Variants in MBD5 observed in about 807,000 individuals in gnomAD.
MBD5 encodes the protein methyl-CpG-binding domain protein 5.
A neutral mutation model predicts 117.3 loss-of-function variants in MBD5; 13 were observed. That is an observed-to-expected ratio of 0.11 (90% confidence interval 0.07 to 0.18). The LOEUF is 0.18. Ranked by LOEUF, MBD5 falls within the 10% of genes least tolerant of loss-of-function variation. The pLI is 1.00. For synonymous variants in MBD5, 727 were observed against 766.4 expected (o/e 0.95, Z 0.85); for missense variants, 1,879 against 2,093.8 (o/e 0.90, Z 2.00).
At chr2:148,106,808 G>C (rs1238109560) in intron 1 of MBD5, among the ~76,000 whole-genome samples, 1 of 151,808 alleles carries the variant, frequency 6.6e-6, no homozygotes, top group Non-Finnish European at 1.5e-5. Context: ...CCTTAATGCA[G>C]AATATTTTTA....
At chr2:148,072,512 A>C (rs1256891704) in intron 1 of MBD5, among the ~76,000 whole-genome samples, 1 of 152,170 alleles carries the variant, frequency 6.6e-6, no homozygotes, top group African/African-American at 2.4e-5. Context: ...TGAATTATTT[A>C]AGCTTAGAAT....
intron 3 of MBD5, among the ~76,000 whole-genome samples, chr2:148,240,608 A>G (rs1700196919): frequency 6.6e-6 from 1 of 152,152 alleles, no homozygotes; most frequent in Non-Finnish European, 1.5e-5. Flanking sequence ...CATTCTAGTG[A>G]AGACTCTTTC....
intron 3 of MBD5, among the ~76,000 whole-genome samples, chr2:148,251,010 T>C (rs1043844119): frequency 2.0e-5 from 3 of 152,208 alleles, no homozygotes; most frequent in Admixed American, 1.3e-4. Flanking sequence ...ATGTGGTTTT[T>C]GTTTTTTGCT....
At chr2:148,051,991 T>A (rs924768016) in intron 1 of MBD5, among the ~76,000 whole-genome samples, 5 of 152,184 alleles carry the variant, frequency 3.3e-5, no homozygotes, top group African/African-American at 1.2e-4. Context: ...TTTTTATTTC[T>A]ATAAGGTCAG....
At chr2:148,412,106 G>C (rs1421051873) in intron 4 of MBD5, among the ~76,000 whole-genome samples, 2 of 151,966 alleles carry the variant, frequency 1.3e-5, no homozygotes, top group Non-Finnish European at 2.9e-5. Context: ...TTATTGAATG[G>C]GGAATCCTCT....
At chr2:148,452,899 C>T (rs1706770979) in intron 4 of MBD5, among the ~76,000 whole-genome samples, 1 of 152,124 alleles carries the variant, frequency 6.6e-6, no homozygotes, top group Non-Finnish European at 1.5e-5. Context: ...TAGTCATTGG[C>T]TTCTTTTAAA....
At chr2:148,391,126 A>G (rs759681174) in intron 4 of MBD5, among the ~76,000 whole-genome samples, 10 of 152,190 alleles carry the variant, frequency 6.6e-5, no homozygotes, top group Admixed American at 2.0e-4. Context: ...AAACCTAGTA[A>G]TAGATGAGAC....
chr2:148,214,642 T>C (rs1414584660), intron 2 of MBD5, among the ~76,000 whole-genome samples: 1 of 152,212 alleles, frequency 6.6e-6, no homozygotes, highest in Admixed American at 6.5e-5. Flanking sequence ...GTAGCTCCTA[T>C]ATGACCCCTG....
At chr2:148,207,207 A>G (rs1445039836) in intron 2 of MBD5, among the ~76,000 whole-genome samples, 1 of 152,176 alleles carries the variant, frequency 6.6e-6, no homozygotes, top group African/African-American at 2.4e-5. Flanking sequence ...ATGGGCTAGC[A>G]TTATCTTGAG....
chr2:148,046,761 T>C (rs1019349155), intron 1 of MBD5, among the ~76,000 whole-genome samples: 3 of 152,222 alleles, frequency 2.0e-5, no homozygotes, highest in African/African-American at 7.2e-5. Flanking sequence ...CTGACTTTTC[T>C]GTACTCTGGG....
At chr2:148,025,735 C>G (rs1693874271) in intron 1 of MBD5, 1 of 151,992 alleles carries the variant, frequency 6.6e-6, no homozygotes, top group South Asian at 2.1e-4. Context: ...TTTAATTATT[C>G]TGCAGTAATT....
chr2:148,438,061 C>T (rs568641629), intron 4 of MBD5, among the ~76,000 whole-genome samples: 8 of 152,256 alleles, frequency 5.3e-5, no homozygotes, highest in African/African-American at 9.6e-5. Flanking sequence ...AATGTACTTT[C>T]GTGGAGTCAA....
intron 1 of MBD5, among the ~76,000 whole-genome samples, chr2:148,087,053 G>T (rs1695813860): frequency 6.6e-6 from 1 of 152,114 alleles, no homozygotes; most frequent in African/African-American, 2.4e-5. Flanking sequence ...AGGAGACAGG[G>T]CTGACCTGCA....
chr2:148,497,084 T>C (rs886287685), intron 11 of MBD5, among the ~76,000 whole-genome samples: 8 of 151,858 alleles, frequency 5.3e-5, no homozygotes, highest in African/African-American at 1.9e-4. Context: ...ATTTACTATT[T>C]AATAAATGTT....
intron 1 of MBD5, among the ~76,000 whole-genome samples, chr2:148,154,475 T>A (rs1368521801): frequency 6.6e-6 from 1 of 152,168 alleles, no homozygotes; most frequent in South Asian, 2.1e-4. Context: ...TCGAGCATCC[T>A]GGCTGCTTTG....
intron 2 of MBD5, among the ~76,000 whole-genome samples, chr2:148,195,591 C>T (rs987787248): frequency 6.6e-6 from 1 of 152,094 alleles, no homozygotes; most frequent in Non-Finnish European, 1.5e-5. Flanking sequence ...CTAATAACAA[C>T]AGAATACACA....
At chr2:148,474,249 C>A (rs1429940198) in intron 8 of MBD5, among the ~76,000 whole-genome samples, 1 of 152,158 alleles carries the variant, frequency 6.6e-6, no homozygotes, top group African/African-American at 2.4e-5. Flanking sequence ...CCTCTTTAAT[C>A]CTCTGACTAC....
At chr2:148,131,918 A>G (rs116263906) in intron 1 of MBD5, among the ~76,000 whole-genome samples, 3,256 of 152,118 alleles carry the variant, frequency 0.021, 123 homozygotes, top group African/African-American at 0.074. Flanking sequence ...GTGTGTTTTC[A>G]TGTGTGTGCT....
In MBD5 at chr2:148,021,611, TC is replaced by T; in HGVS notation, c.-991del. On this transcript the variant is annotated 5_prime_UTR_variant, in exon 1 of 14. Coordinates refer to ENST00000642680, the MANE Select transcript of MBD5 (RefSeq NM_001378120.1). ...CCTCCTTCGCCTCCTCCTCCTCCAC[TC>T]CCCCCCTTTATTACCCTTTGTGTCA... 6 of 459,166 alleles carry T rather than the reference TC, an allele frequency of 1.3e-5. No homozygotes were observed. Among genetic ancestry groups the T allele is most frequent in the East Asian group, 5.7e-5 (1 of 17,482 alleles). 28.4% of individuals were successfully genotyped at this position (459,166 alleles called of 1,614,324 possible). A position where few individuals can be genotyped will look rare whatever the true frequency, so the allele number is the denominator to read the frequency against.
Sources: gnomAD v4.1 joint callset for allele counts (sites outside exome capture counted in the v4.1 genomes callset) on GRCh38, gnomAD v4.1.1 for gene constraint, MANE v1.5 for transcripts, NCBI Gene and HGNC (gene_info 2026-07-23, HGNC 2026-07-21) for gene names.